The following GPATCH8 variants were observed in gnomAD, a reference collection of about 807,000 sequenced individuals.
GPATCH8 encodes the protein G-patch domain containing 8.
A neutral mutation model predicts 118.3 loss-of-function variants in GPATCH8; 18 were observed. That is an observed-to-expected ratio of 0.15 (90% CI 0.11 to 0.23). The LOEUF is 0.23. Among genes scored for constraint, GPATCH8 ranks in the 10% least tolerant of loss-of-function variants. The pLI, the probability that GPATCH8 is intolerant of heterozygous loss-of-function variation, is 1.00. For missense variants in GPATCH8, 1,631 were observed against 1,873.8 expected, an observed-to-expected ratio of 0.87 and a Z score of 2.39; for synonymous variants, 659 against 684.7, an observed-to-expected ratio of 0.96 and a Z score of 0.59.
intron 5 of GPATCH8, among the ~76,000 whole-genome samples, chr17:44,434,079 T>C (rs1334168738): frequency 2.0e-5 from 3 of 151,680 alleles, no homozygotes; most frequent in Non-Finnish European, 4.4e-5. Flanking sequence ...GCAGTGAGCT[T>C]AGATCACACC....
chr17:44,423,268 A>G (rs1269177487), intron 6 of GPATCH8, among the ~76,000 whole-genome samples: 1 of 152,176 alleles, frequency 6.6e-6, no homozygotes, highest in Non-Finnish European at 1.5e-5. Flanking sequence ...GTCCAAAGGT[A>G]TGTAGTAAGT....
intron 1 of GPATCH8, among the ~76,000 whole-genome samples, chr17:44,497,866 G>A (rs1418884855): frequency 6.6e-6 from 1 of 152,020 alleles, no homozygotes; most frequent in Non-Finnish European, 1.5e-5. Flanking sequence ...CTTGAGCCCA[G>A]GAGGTGGAGA....
At chr17:44,435,204 A>G (rs2050456668) in intron 4 of GPATCH8, 53 bp from the exon 5 acceptor site, 1 of 862,382 alleles carries the variant, frequency 1.2e-6, no homozygotes, top group Admixed American at 1.7e-5. Context: ...CCCCAAGATT[A>G]GCTATGAAAA....
At chr17:44,439,212 T>C (rs1308892938) in intron 3 of GPATCH8, among the ~76,000 whole-genome samples, 1 of 152,142 alleles carries the variant, frequency 6.6e-6, no homozygotes, top group East Asian at 1.9e-4. Flanking sequence ...AATTAAGCAG[T>C]CTAGAAAATA....
intron 6 of GPATCH8, among the ~76,000 whole-genome samples, chr17:44,417,408 C>T (rs910423680): frequency 3.9e-5 from 6 of 152,076 alleles, no homozygotes; most frequent in African/African-American, 1.4e-4. Flanking sequence ...TTGTAGAGAC[C>T]GGGTTTTGCC....
intron 1 of GPATCH8, among the ~76,000 whole-genome samples, chr17:44,475,147 G>C (rs1269517909): frequency 5.9e-5 from 9 of 152,128 alleles, no homozygotes; most frequent in Admixed American, 5.9e-4. Flanking sequence ...AGGAGGCTGA[G>C]GCAGGTGGAT....
intron 6 of GPATCH8, among the ~76,000 whole-genome samples, chr17:44,423,216 G>A (rs2049976841): frequency 6.6e-6 from 1 of 152,062 alleles, no homozygotes; most frequent in Non-Finnish European, 1.5e-5. Flanking sequence ...CTCCAGCTTG[G>A]GCGAAAGAGC....
chr17:44,413,614 C>A (rs551823492), intron 6 of GPATCH8, among the ~76,000 whole-genome samples: 1 of 149,746 alleles, frequency 6.7e-6, no homozygotes, highest in Non-Finnish European at 1.5e-5. Context: ...AAGCTGGGAC[C>A]ATAGATGCGT....
chr17:44,435,257 A>T (rs1309225757), intron 4 of GPATCH8, 106 bp from the exon 5 acceptor site: 3 of 698,236 alleles, frequency 4.3e-6, no homozygotes, highest in East Asian at 2.7e-5. Flanking sequence ...ACAAAAAAAA[A>T]TTGTAATTTT....
rs2049008539 is a variant in GPATCH8 at position 44,401,200 on chromosome 17, T to C, written c.877A>G (p.Thr293Ala). 6.2e-7 allele frequency: 1 copy of C among 1,613,898 alleles called. No homozygotes were observed. The highest frequency in any genetic ancestry group is 1.1e-5 in the South Asian group (1 of 91,070). ...ISFGIKNNLG[T>A]PLQKLGVSFS... ...GACACTCCCAATTTTTGCAATGGGGTCCCCAGATTATTCTTAATGCCAAAG... is the reference window on the plus strand; with the variant it reads ...GACACTCCCAATTTTTGCAATGGGGCCCCCAGATTATTCTTAATGCCAAAG... The change falls in exon 8 of 8, where the codon ACC becomes GCC. Residue 293 changes from threonine (T) to alanine (A), a missense_variant. Around this residue, in one of 8 missense-constraint regions of GPATCH8, gnomAD observed 405 missense variants for 462.7 expected, o/e 0.88. Coordinates refer to ENST00000591680, the MANE Select transcript of GPATCH8 (RefSeq NM_001002909.4).
chr17:44,445,915 T>C (rs1180052067), intron 3 of GPATCH8: 2 of 152,146 alleles, frequency 1.3e-5, no homozygotes, highest in Non-Finnish European at 2.9e-5. Context: ...TAATGGGGCA[T>C]GTGACCCATT....
intron 6 of GPATCH8, among the ~76,000 whole-genome samples, chr17:44,422,495 T>A (rs1162440689): frequency 7.0e-6 from 1 of 142,234 alleles, no homozygotes; most frequent in Non-Finnish European, 1.5e-5. Context: ...TAGCCTAAAA[T>A]TTTTTTTTTT....
intron 6 of GPATCH8, among the ~76,000 whole-genome samples, chr17:44,412,346 C>T (rs1388897112): frequency 2.6e-5 from 4 of 152,160 alleles, no homozygotes; most frequent in African/African-American, 4.8e-5. Context: ...TGTGCCACTG[C>T]ACTCCAGCCT....
At chr17:44,407,298 T>C (rs1015391481) in intron 6 of GPATCH8, 1 of 148,936 alleles carries the variant, frequency 6.7e-6, no homozygotes, top group African/African-American at 2.5e-5. Context: ...GAAAAAAAAG[T>C]AAAAAATAAA....
intron 2 of GPATCH8, among the ~76,000 whole-genome samples, chr17:44,470,253 G>A (rs62081257): frequency 6.6e-6 from 1 of 152,124 alleles, no homozygotes; most frequent in Non-Finnish European, 1.5e-5. Flanking sequence ...ATCGAGTCTC[G>A]CTCTGTCACC....
intron 3 of GPATCH8, among the ~76,000 whole-genome samples, chr17:44,447,457 A>G (rs1050004174): frequency 2.0e-5 from 3 of 152,034 alleles, no homozygotes; most frequent in Non-Finnish European, 4.4e-5. Flanking sequence ...GCACCCAGCC[A>G]ATAAACTTCT....
intron 7 of GPATCH8, among the ~76,000 whole-genome samples, chr17:44,403,602 C>A (rs2049108548): frequency 6.6e-6 from 1 of 152,114 alleles, no homozygotes; most frequent in Non-Finnish European, 1.5e-5. Context: ...AATCAGAGAC[C>A]TATTTATATG....
At chr17:44,483,600 G>A (rs1968518579) in intron 1 of GPATCH8, among the ~76,000 whole-genome samples, 1 of 151,232 alleles carries the variant, frequency 6.6e-6, no homozygotes, top group Non-Finnish European at 1.5e-5. Context: ...CATACTTACT[G>A]CATTTTAAAA....
intron 1 of GPATCH8, among the ~76,000 whole-genome samples, chr17:44,478,306 T>C (rs1445160509): frequency 2.0e-5 from 3 of 152,200 alleles, no homozygotes; most frequent in Admixed American, 6.5e-5. Context: ...AGAACACCAA[T>C]GTACAGCTGA....
Sources: gnomAD v4.1 joint callset for allele counts (sites outside exome capture counted in the v4.1 genomes callset) on GRCh38, gnomAD v4.1.1 for gene constraint, gnomAD v4.1.1 regional missense constraint, MANE v1.5 for transcripts, NCBI Gene and HGNC (gene_info 2026-07-23, HGNC 2026-07-21) for gene names.